The following GPR158 variants were observed in gnomAD, a reference collection of about 807,000 sequenced individuals.
The protein encoded by GPR158 is metabotropic glycine receptor.
In GPR158, 30 loss-of-function variants were observed where a neutral mutation model predicts 78.2. The ratio of observed to expected loss-of-function variants is 0.38; its 90% CI spans 0.29 to 0.52. GPR158 has a LOEUF of 0.52. Ranked by LOEUF, GPR158 falls within the 20% of genes least tolerant of loss-of-function variation. The pLI is 0.83. For missense variants in GPR158, 1,463 were observed against 1,523.5 expected (o/e 0.96, Z 0.66); for synonymous variants, 581 against 591.1 (o/e 0.98, Z 0.25).
intron 2 of GPR158, among the ~76,000 whole-genome samples, chr10:25,258,835 G>A (rs1030879489): frequency 3.3e-5 from 5 of 152,082 alleles, no homozygotes; most frequent in Admixed American, 1.3e-4. Flanking sequence ...ACTACTAATA[G>A]CCTACTATTG....
At chr10:25,283,489 A>G (rs1204319942) in intron 2 of GPR158, among the ~76,000 whole-genome samples, 1 of 151,966 alleles carries the variant, frequency 6.6e-6, no homozygotes, top group Non-Finnish European at 1.5e-5. Flanking sequence ...GATATAAATA[A>G]CTCCCGGAAG....
chr10:25,458,443 C>A (rs1411478035), intron 4 of GPR158, among the ~76,000 whole-genome samples: 1 of 152,114 alleles, frequency 6.6e-6, no homozygotes, highest in Non-Finnish European at 1.5e-5. Context: ...AGATTGGATG[C>A]ACAGAGGAAA....
chr10:25,447,986 G>A (rs958723797), intron 4 of GPR158, among the ~76,000 whole-genome samples: 6 of 151,750 alleles, frequency 4.0e-5, no homozygotes, highest in African/African-American at 7.3e-5. Flanking sequence ...AGAGATAACC[G>A]CTGTTCAGAT....
At chr10:25,284,478 T>C (rs943826542) in intron 2 of GPR158, among the ~76,000 whole-genome samples, 2 of 152,018 alleles carry the variant, frequency 1.3e-5, no homozygotes, top group African/African-American at 2.4e-5. Context: ...TAATATTTTT[T>C]TTCTGTGTCT....
intron 4 of GPR158, among the ~76,000 whole-genome samples, chr10:25,451,028 C>T (rs541181581): frequency 3.0e-4 from 46 of 151,946 alleles, no homozygotes; most frequent in Middle Eastern, 3.4e-3. Flanking sequence ...ATGGATGAAC[C>T]ATATGTTATA....
chr10:25,573,574 G>C (rs1181813993), intron 7 of GPR158, among the ~76,000 whole-genome samples: 2 of 152,166 alleles, frequency 1.3e-5, no homozygotes, highest in Non-Finnish European at 1.5e-5. Context: ...AAAACACATA[G>C]GAATTTTTCT....
At chr10:25,408,314 T>C (rs1444760686) in intron 3 of GPR158, among the ~76,000 whole-genome samples, 1 of 152,228 alleles carries the variant, frequency 6.6e-6, no homozygotes, top group Non-Finnish European at 1.5e-5. Context: ...TGCTTGCACC[T>C]GTTAGGATTC....
At chr10:25,592,944 T>C (rs1461292309) in intron 8 of GPR158, among the ~76,000 whole-genome samples, 1 of 147,374 alleles carries the variant, frequency 6.8e-6, no homozygotes, top group Non-Finnish European at 1.5e-5. Context: ...GAAAACAGAC[T>C]GCGTCAAAAG....
intron 2 of GPR158, among the ~76,000 whole-genome samples, chr10:25,301,840 G>C (rs889828744): frequency 6.6e-6 from 1 of 152,012 alleles, no homozygotes; most frequent in Non-Finnish European, 1.5e-5. Flanking sequence ...AGATGTGTGG[G>C]GTTTTCTTCC....
At chr10:25,512,240 G>A (rs1448978849) in intron 5 of GPR158, among the ~76,000 whole-genome samples, 2 of 151,934 alleles carry the variant, frequency 1.3e-5, no homozygotes, top group African/African-American at 4.8e-5. Flanking sequence ...CCTTGTAGAG[G>A]TCTTTTACCT....
chr10:25,202,075 C>T (rs1039474874), intron 1 of GPR158, among the ~76,000 whole-genome samples: 1 of 152,034 alleles, frequency 6.6e-6, no homozygotes, highest in African/African-American at 2.4e-5. Flanking sequence ...TTTTATACAT[C>T]TGATAGAATT....
At chr10:25,502,453 G>A (rs765992599) in intron 5 of GPR158, among the ~76,000 whole-genome samples, 3 of 152,250 alleles carry the variant, frequency 2.0e-5, no homozygotes, top group Admixed American at 6.5e-5. Flanking sequence ...TCACAGAGCT[G>A]CCCTGGAAAC....
At chr10:25,590,396 T>A (rs181574101) in intron 8 of GPR158, among the ~76,000 whole-genome samples, 56 of 152,148 alleles carry the variant, frequency 3.7e-4, no homozygotes, top group Non-Finnish European at 6.9e-4. Context: ...AATATAAGAT[T>A]ATAAATACGC....
intron 2 of GPR158, among the ~76,000 whole-genome samples, chr10:25,355,222 T>C (rs1855532293): frequency 6.6e-6 from 1 of 152,090 alleles, no homozygotes; most frequent in African/African-American, 2.4e-5. Context: ...TTTAACTTTT[T>C]TTTCCTTTTT....
intron 4 of GPR158, among the ~76,000 whole-genome samples, chr10:25,415,750 A>G (rs1564448944): frequency 6.6e-6 from 1 of 152,166 alleles, no homozygotes; most frequent in Non-Finnish European, 1.5e-5. Context: ...AACAGTTACA[A>G]AAGACCACAT....
chr10:25,395,165 T>G (rs1369204193), intron 2 of GPR158, among the ~76,000 whole-genome samples: 1 of 152,130 alleles, frequency 6.6e-6, no homozygotes, highest in African/African-American at 2.4e-5. Context: ...AATTATATCT[T>G]TTGCTTGCTA....
chr10:25,427,493 G>A (rs760921300), intron 4 of GPR158, among the ~76,000 whole-genome samples: 1 of 151,968 alleles, frequency 6.6e-6, no homozygotes, highest in Non-Finnish European at 1.5e-5. Flanking sequence ...CTTTCAGTCA[G>A]TATTGTATCT....
intron 4 of GPR158, among the ~76,000 whole-genome samples, chr10:25,418,042 C>CA (rs1352041576): frequency 1.3e-5 from 2 of 152,082 alleles, no homozygotes; most frequent in Non-Finnish European, 2.9e-5. Flanking sequence ...ATAGGAAAAC[C>CA]AATAACAATG....
chr10:25,445,332 C>G (rs986536589), intron 4 of GPR158, among the ~76,000 whole-genome samples: 40 of 152,014 alleles, frequency 2.6e-4, no homozygotes, highest in African/African-American at 9.7e-4. Flanking sequence ...AAAAGGGGTA[C>G]AGTATATTCA....
Sources: allele counts gnomAD v4.1 joint callset (sites outside exome capture counted in the v4.1 genomes callset), GRCh38; gene constraint gnomAD v4.1.1; transcripts MANE v1.5; gene names NCBI Gene and HGNC (gene_info 2026-07-23, HGNC 2026-07-21).